The following TMEM165 variants were observed in gnomAD, a reference collection of about 807,000 sequenced individuals.
The protein encoded by TMEM165 is transmembrane protein 165.
In TMEM165, 19 loss-of-function variants were observed where a neutral mutation model predicts 30.0. The ratio of observed to expected loss-of-function variants is 0.63; its 90% CI spans 0.44 to 0.93. TMEM165 has a LOEUF of 0.93. TMEM165 is among the 40% of genes least tolerant of loss of function. TMEM165 has a pLI of 0.00. For missense variants in TMEM165, 340 were observed against 417.0 expected, an observed-to-expected ratio of 0.82 and a Z score of 1.61; for synonymous variants, 168 against 162.9, an observed-to-expected ratio of 1.03 and a Z score of -0.24.
chr4:55,417,544 G>A (rs41279539), intron 3 of TMEM165: 6 of 520,832 alleles, frequency 1.2e-5, no homozygotes, highest in African/African-American at 3.9e-5. Flanking sequence ...TGTTTCTCCC[G>A]TGGTGTCTAG....
intron 3 of TMEM165, among the ~76,000 whole-genome samples, chr4:55,440,433 A>G (rs921739551): frequency 6.6e-6 from 1 of 152,206 alleles, no homozygotes; most frequent in Non-Finnish European, 1.5e-5. Context: ...GATGAAGTTT[A>G]TAACATTGGT....
exon 4 of TMEM165, chr4:55,453,152 A>C (rs1411575508): frequency 1.3e-6 from 2 of 1,583,120 alleles, no homozygotes; most frequent in Non-Finnish European, 1.7e-6. Flanking sequence ...AAAATAATCA[A>C]ATTTTAGTGT....
chr4:55,442,782 G>C (rs1723480453), intron 3 of TMEM165: 1 of 744,140 alleles, frequency 1.3e-6, no homozygotes, highest in Admixed American at 2.1e-5. Context: ...TAACCACAAA[G>C]GAATGACTCG....
intron 4 of TMEM165, among the ~76,000 whole-genome samples, chr4:55,422,942 T>C (rs1722043134): frequency 6.6e-6 from 1 of 152,108 alleles, no homozygotes; most frequent in Non-Finnish European, 1.5e-5. Flanking sequence ...AGCCTATTTT[T>C]CTTTTTTTAA....
downstream of TMEM165, among the ~76,000 whole-genome samples, chr4:55,427,652 C>T (rs573486184): frequency 2.6e-4 from 40 of 152,022 alleles, no homozygotes; most frequent in East Asian, 6.8e-3. Flanking sequence ...ACCGTTTTTT[C>T]TAATAACAAC....
At chr4:55,429,841 G>T (rs955100163), downstream of TMEM165, 3 of 152,172 alleles carry the variant, frequency 2.0e-5, no homozygotes, top group African/African-American at 7.2e-5. Context: ...TTTCTTAGAT[G>T]ACTTGAGGAG....
At chr4:55,451,321 A>T (rs1724427886) in intron 3 of TMEM165, among the ~76,000 whole-genome samples, 1 of 152,192 alleles carries the variant, frequency 6.6e-6, no homozygotes, top group Non-Finnish European at 1.5e-5. Flanking sequence ...GATACAGCTG[A>T]TCATTCACTC....
chr4:55,436,952 T>C (rs560797219), intron 3 of TMEM165, among the ~76,000 whole-genome samples: 136 of 146,482 alleles, frequency 9.3e-4, no homozygotes, highest in African/African-American at 3.0e-3. Flanking sequence ...TTCCTTGACA[T>C]ACTTAGAAGA....
intron 3 of TMEM165, among the ~76,000 whole-genome samples, chr4:55,437,241 T>C (rs1483571884): frequency 6.6e-6 from 1 of 152,180 alleles, no homozygotes; most frequent in Non-Finnish European, 1.5e-5. Context: ...TAAGACTATA[T>C]TTATGCCTGA....
Position 55,401,221 on chromosome 4 carries a change from G to C in TMEM165, c.207+4825G>C, listed in dbSNP as rs139151670. Among the ~76,000 whole-genome samples the C allele has an allele frequency of 5.8e-4, 88 of 150,514 alleles. 9 individuals carry two copies. Among genetic ancestry groups the C allele is most frequent in the African/African-American group, 2.0e-3 (81 of 40,034 alleles). On this transcript the variant is annotated intron_variant, in intron 1 of 5. Coordinates refer to ENST00000381334, the MANE Select transcript of TMEM165 (RefSeq NM_018475.5). ...TTTCTCTATAATTAGGCTAAAAAAAGGTTGGTAAGTAATATGAACTTAAAA... is the reference window on the plus strand; with the variant it reads ...TTTCTCTATAATTAGGCTAAAAAAACGTTGGTAAGTAATATGAACTTAAAA...
intron 3 of TMEM165, among the ~76,000 whole-genome samples, chr4:55,439,647 CAT>C (rs1362380523): frequency 1.3e-5 from 2 of 152,122 alleles, no homozygotes; most frequent in Admixed American, 6.6e-5. Context: ...ATAAGCAAAA[CAT>C]AGTAGAGTAG....
rs1315052776 is a variant in TMEM165 at position 55,396,632 on chromosome 4, TCTC to T, written c.207+238_207+240del. ...AAGAGGAGCCCGCTATAAACGTTGATCTCCGGAGGGCCAAGATGCTGCTCCGGG... is the reference window on the plus strand; with the variant it reads ...AAGAGGAGCCCGCTATAAACGTTGATCGGAGGGCCAAGATGCTGCTCCGGG... On this transcript the variant is annotated intron_variant, in intron 1 of 5. Transcript: ENST00000381334. 5.3e-5 allele frequency among the ~76,000 whole-genome samples: 8 copies of T among 152,256 alleles called. No individual in the cohort carries two copies. The East Asian group carries it at 1.5e-3, about 29-fold the overall frequency.
chr4:55,411,101 C>CTCCA (rs1721476211), intron 1 of TMEM165, among the ~76,000 whole-genome samples: 1 of 149,216 alleles, frequency 6.7e-6, no homozygotes, highest in Admixed American at 6.7e-5. Flanking sequence ...CACCACTGCA[C>CTCCA]TCCAGCCTGA....
chr4:55,439,602 GAAGT>G (rs1723181073), intron 3 of TMEM165, among the ~76,000 whole-genome samples: 1 of 152,158 alleles, frequency 6.6e-6, no homozygotes, highest in Non-Finnish European at 1.5e-5. Flanking sequence ...CCAAAAAGTG[GAAGT>G]AACCCAAGAC....
intron 3 of TMEM165, chr4:55,448,948 A>AT: frequency 1.9e-5 from 21 of 1,084,906 alleles, no homozygotes; most frequent in Non-Finnish European, 2.8e-5. Context: ...TCAATATGAT[A>AT]TTCGTATTAA....
intron 2 of TMEM165, 126 bp downstream of exon 2, chr4:55,411,965 C>A: frequency 1.2e-6 from 1 of 835,340 alleles, no homozygotes; most frequent in South Asian, 1.5e-5. Flanking sequence ...TGTGGTCTTC[C>A]AACCTTTTCC....
At chr4:55,404,691 G>C (rs1721201604) in intron 1 of TMEM165, among the ~76,000 whole-genome samples, 1 of 152,054 alleles carries the variant, frequency 6.6e-6, no homozygotes, top group Admixed American at 6.5e-5. Context: ...TCCTGCATCG[G>C]CCTCCCAAAG....
At chr4:55,396,789 TTG>T (rs1428577674) in intron 1 of TMEM165, among the ~76,000 whole-genome samples, 1 of 152,204 alleles carries the variant, frequency 6.6e-6, no homozygotes, top group African/African-American at 2.4e-5. Context: ...GGCCATTTCA[TTG>T]TTGAAATAGC....
Position 55,396,615 on chromosome 4 carries a change from C to G in TMEM165, c.207+219C>G, listed in dbSNP as rs1402012047. Among the ~76,000 whole-genome samples, 3 of 152,186 alleles carry G rather than the reference C, an allele frequency of 2.0e-5. No individual in the cohort carries two copies. The East Asian group carries it at 5.8e-4, about 29-fold the overall frequency. ...AGGGAGAGGGAGAGTCCAAGAGGAGCCCGCTATAAACGTTGATCTCCGGAG... is the reference window on the plus strand; with the variant it reads ...AGGGAGAGGGAGAGTCCAAGAGGAGGCCGCTATAAACGTTGATCTCCGGAG... On this transcript the variant is annotated intron_variant, in intron 1 of 5. Transcript: ENST00000381334.
Sources: allele counts gnomAD v4.1 joint callset (sites outside exome capture counted in the v4.1 genomes callset), GRCh38; gene constraint gnomAD v4.1.1; transcripts MANE v1.5; gene names NCBI Gene and HGNC (gene_info 2026-07-23, HGNC 2026-07-21).